The following IL1RAPL2 variants were observed in gnomAD, a reference collection of about 807,000 sequenced individuals.
IL1RAPL2 encodes X-linked interleukin-1 receptor accessory protein-like 2.
A neutral mutation model predicts 44.1 loss-of-function variants in IL1RAPL2; 3 were observed. That is an observed-to-expected ratio of 0.07 (90% CI 0.03 to 0.18). The LOEUF is 0.18. IL1RAPL2 is among the 10% of genes least tolerant of loss of function. The pLI, the probability that IL1RAPL2 is intolerant of heterozygous loss-of-function variation, is 1.00. For missense variants in IL1RAPL2, 391 were observed against 496.4 expected (o/e 0.79, Z 2.02); for synonymous variants, 181 against 178.8 (o/e 1.01, Z -0.10).
chrX:105,078,427 G>C (rs2032345337), intron 2 of IL1RAPL2, among the ~76,000 whole-genome samples: 1 of 111,402 alleles, frequency 9.0e-6, no homozygotes, highest in Non-Finnish European at 1.9e-5. Flanking sequence ...GGAGTGTGAG[G>C]TGTCAGTCCG....
At chrX:105,217,725 A>G (rs1435737883) in intron 3 of IL1RAPL2, among the ~76,000 whole-genome samples, 5 of 112,387 alleles carry the variant, frequency 4.4e-5, no homozygotes, top group Non-Finnish European at 9.4e-5. Flanking sequence ...GATAGACTGG[A>G]TTAAGAAAAT....
chrX:104,736,156 T>G (rs1431659515), intron 2 of IL1RAPL2, among the ~76,000 whole-genome samples: 3 of 112,006 alleles, frequency 2.7e-5, no homozygotes, highest in Non-Finnish European at 5.6e-5. Flanking sequence ...CCATGAAGCC[T>G]TTCTTGGCTA....
rs375608545 is a variant in IL1RAPL2 at position 105,386,531 on chromosome X, C to T, written c.698-97782C>T. Among the ~76,000 whole-genome samples the T allele has an allele frequency of 3.4e-4, 38 of 111,360 alleles. 1 individual carries two copies. In the East Asian group the frequency reaches 6.2e-3, roughly 18 times the overall value. On this transcript the variant is annotated intron_variant, in intron 5 of 10. Coordinates refer to ENST00000372582, the MANE Select transcript of IL1RAPL2 (RefSeq NM_017416.2). ...TACTTTGTGACAATATAATCATAAACGAATATGTAAAAGCTGGCACTTAAA... is the reference window on the plus strand; with the variant it reads ...TACTTTGTGACAATATAATCATAAATGAATATGTAAAAGCTGGCACTTAAA...
At chrX:104,917,103 TC>T (rs925789119) in intron 2 of IL1RAPL2, among the ~76,000 whole-genome samples, 6 of 111,811 alleles carry the variant, frequency 5.4e-5, no homozygotes, top group African/African-American at 1.6e-4. Flanking sequence ...TAGGGAGGAT[TC>T]CCTCTTTTTC....
intron 1 of IL1RAPL2, among the ~76,000 whole-genome samples, chrX:104,610,715 A>C: frequency 8.9e-6 from 1 of 111,944 alleles, no homozygotes; most frequent in Non-Finnish European, 1.9e-5. Flanking sequence ...AAGGTAATTT[A>C]TAGATTCAAT....
intron 2 of IL1RAPL2, among the ~76,000 whole-genome samples, chrX:105,176,406 G>A (rs1400724337): frequency 9.0e-6 from 1 of 110,677 alleles, no homozygotes; most frequent in Non-Finnish European, 1.9e-5. Context: ...GGGACAGCTT[G>A]GCCATGGGTG....
chrX:105,445,114 A>G (rs1319462102), intron 5 of IL1RAPL2, among the ~76,000 whole-genome samples: 1 of 111,286 alleles, frequency 9.0e-6, no homozygotes, highest in Non-Finnish European at 1.9e-5. Context: ...TCATGGTTCA[A>G]TCTTGATAGT....
chrX:104,774,770 T>G (rs1050972073), intron 2 of IL1RAPL2, among the ~76,000 whole-genome samples: 1 of 112,302 alleles, frequency 8.9e-6, no homozygotes, highest in Non-Finnish European at 1.9e-5. Flanking sequence ...TTGCAAATAA[T>G]AGGTAAGTGC....
intron 6 of IL1RAPL2, among the ~76,000 whole-genome samples, chrX:105,612,977 C>T (rs1331050578): frequency 9.0e-6 from 1 of 111,593 alleles, no homozygotes; most frequent in Non-Finnish European, 1.9e-5. Context: ...ATCTAGGCAT[C>T]TTGGGGGCCA....
intron 2 of IL1RAPL2, among the ~76,000 whole-genome samples, chrX:104,982,396 T>G (rs1163918926): frequency 9.0e-6 from 1 of 111,175 alleles, no homozygotes; most frequent in Non-Finnish European, 1.9e-5. Context: ...TGTGCTACAG[T>G]GATTTATGAG....
chrX:104,613,043 A>C (rs777742616), intron 1 of IL1RAPL2, among the ~76,000 whole-genome samples: 2 of 112,049 alleles, frequency 1.8e-5, no homozygotes, highest in African/African-American at 3.2e-5. Flanking sequence ...ATTTTACTGA[A>C]GTCATCTATC....
chrX:105,615,598 A>G (rs887577190), intron 6 of IL1RAPL2, among the ~76,000 whole-genome samples: 2 of 112,170 alleles, frequency 1.8e-5, no homozygotes, highest in African/African-American at 6.5e-5. Flanking sequence ...TTCACTTTGC[A>G]TGTGTTCACT....
chrX:105,459,856 T>C (rs886771023), intron 5 of IL1RAPL2, among the ~76,000 whole-genome samples: 2 of 111,805 alleles, frequency 1.8e-5, no homozygotes, highest in Non-Finnish European at 3.8e-5. Context: ...TTCACAATTA[T>C]ATGAAAAATA....
chrX:105,600,597 CAAT>C (rs2037244006), intron 6 of IL1RAPL2, among the ~76,000 whole-genome samples: 1 of 104,949 alleles, frequency 9.5e-6, no homozygotes, highest in Non-Finnish European at 2.0e-5. Flanking sequence ...ATAAAAACAC[CAAT>C]AAACTTCTTA....
Position 104,719,762 on chromosome X carries a change from G to A in IL1RAPL2, c.82+60767G>A, listed in dbSNP as rs1319797924. On this transcript the variant is annotated intron_variant, in intron 2 of 10. Coordinates refer to ENST00000372582, the MANE Select transcript of IL1RAPL2 (RefSeq NM_017416.2). ...CATATATGTGCAGAGAGGTGGGAAGGCCATAGGAGAATTTTTATTATTAGC... is the reference window on the plus strand; with the variant it reads ...CATATATGTGCAGAGAGGTGGGAAGACCATAGGAGAATTTTTATTATTAGC... Among the ~76,000 whole-genome samples, 7 of 111,575 alleles carry A rather than the reference G, an allele frequency of 6.3e-5. No individual in the cohort carries two copies. In the East Asian group the frequency reaches 1.7e-3, roughly 27 times the overall value.
At chrX:104,847,968 G>T in intron 2 of IL1RAPL2, among the ~76,000 whole-genome samples, 1 of 110,489 alleles carries the variant, frequency 9.1e-6, no homozygotes, top group Non-Finnish European at 1.9e-5. Flanking sequence ...GTGAATGGGA[G>T]TTCACTCATG....
At chrX:104,661,831 G>A (rs1000469780) in intron 2 of IL1RAPL2, among the ~76,000 whole-genome samples, 2 of 111,699 alleles carry the variant, frequency 1.8e-5, no homozygotes, top group African/African-American at 3.2e-5. Context: ...AACGGAACTC[G>A]TAACTTTTAT....
At chrX:105,262,230 G>T (rs1353495283) in intron 4 of IL1RAPL2, among the ~76,000 whole-genome samples, 1 of 111,408 alleles carries the variant, frequency 9.0e-6, no homozygotes, top group East Asian at 2.8e-4. Flanking sequence ...CTTTTTTCTT[G>T]TTGTGAGGAT....
intron 2 of IL1RAPL2, among the ~76,000 whole-genome samples, chrX:104,868,909 T>A (rs751300604): frequency 8.9e-6 from 1 of 112,309 alleles, no homozygotes; most frequent in South Asian, 3.7e-4. Context: ...TTTCTTCCCC[T>A]TTCGTGTTAA....
Sources: allele counts gnomAD v4.1 joint callset (sites outside exome capture counted in the v4.1 genomes callset), GRCh38; gene constraint gnomAD v4.1.1; transcripts MANE v1.5; gene names NCBI Gene and HGNC (gene_info 2026-07-23, HGNC 2026-07-21).